The following CLRN3 variants were observed in gnomAD, a reference collection of about 807,000 sequenced individuals.
CLRN3 encodes clarin 3.
Under a neutral mutation model 16.7 loss-of-function variants are expected in CLRN3, and 12 were observed. The ratio of observed to expected loss-of-function variants is 0.72; its 90% CI spans 0.46 to 1.16. The LOEUF (loss-of-function observed/expected upper bound fraction) is 1.16, where lower values mean the gene tolerates loss of function less well. Among genes scored for constraint, CLRN3 ranks in the 50% most tolerant of loss-of-function variants. CLRN3 has a pLI of 0.00. For missense variants in CLRN3, 296 were observed against 274.2 expected, an observed-to-expected ratio of 1.08 and a Z score of -0.56; for synonymous variants, 118 against 113.0, an observed-to-expected ratio of 1.04 and a Z score of -0.28.
intron 1 of CLRN3, among the ~76,000 whole-genome samples, chr10:127,885,022 G>A (rs112126197): frequency 9.9e-5 from 15 of 152,230 alleles, no homozygotes; most frequent in Non-Finnish European, 2.1e-4. Context: ...CTTTGTTTCC[G>A]TTCTGGTTTC....
At position 127,891,533 on chromosome 10, in the gene CLRN3, G is replaced by A. The variant is rs1056052861; in HGVS notation, c.229+1023C>T. 3.9e-5 allele frequency among the ~76,000 whole-genome samples: 6 copies of A among 152,318 alleles called. No individual in the cohort carries two copies. In the East Asian group the frequency reaches 9.6e-4, roughly 24 times the overall value. ...GAGGAGATGTCCCTGAAAGGCTATG[G>A]CAATGCTAGGGGAGATGCTGCTTTT... On this transcript the variant is annotated intron_variant, in intron 1 of 2. Coordinates refer to ENST00000368671, the MANE Select transcript of CLRN3 (RefSeq NM_152311.5).
intron 2 of CLRN3, among the ~76,000 whole-genome samples, chr10:127,879,911 G>A (rs889694654): frequency 3.3e-5 from 5 of 152,124 alleles, no homozygotes; most frequent in African/African-American, 9.7e-5. Context: ...TCCTGGCCAC[G>A]GAAGCCCTTT....
chr10:127,884,404 GGAAAGTGGAAGCT>G (rs1444482782), intron 1 of CLRN3, among the ~76,000 whole-genome samples: 1 of 152,232 alleles, frequency 6.6e-6, no homozygotes, highest in Non-Finnish European at 1.5e-5. Context: ...AAGGTGACCA[GGAAAGTGGAAGCT>G]GAAGGCTGAC....
intron 2 of CLRN3, among the ~76,000 whole-genome samples, chr10:127,881,865 C>T (rs921372208): frequency 1.3e-5 from 2 of 152,222 alleles, no homozygotes; most frequent in African/African-American, 2.4e-5. Flanking sequence ...CTGAGGATTT[C>T]AATAGATGGA....
rs1235255162 is a variant in CLRN3, at chr10:127,878,127, C to T, written c.*22G>A. The T allele has an allele frequency of 1.2e-6, 2 of 1,606,824 alleles. No individual in the cohort carries two copies. The highest frequency in any genetic ancestry group is 1.7e-6 in the Non-Finnish European group (2 of 1,174,582). On this transcript the variant is annotated 3_prime_UTR_variant, in exon 3 of 3. Transcript: ENST00000368671. ...GGGCTGATGTACAATAGATGCAACG[C>T]CAAAATGAGATGAAAGAGAATTCAG...
At chr10:127,892,180 A>C (rs1416592750) in intron 1 of CLRN3, among the ~76,000 whole-genome samples, 2 of 152,210 alleles carry the variant, frequency 1.3e-5, no homozygotes, top group Non-Finnish European at 1.5e-5. Flanking sequence ...CCACTTGTGA[A>C]GTTCTAGACA....
intron 1 of CLRN3, among the ~76,000 whole-genome samples, chr10:127,888,714 T>C (rs1845225120): frequency 1.3e-5 from 2 of 152,236 alleles, no homozygotes; most frequent in Middle Eastern, 3.4e-3. Context: ...AGCCGGGAGC[T>C]GAGCTTTCCC....
At chr10:127,879,348 G>A (rs1845099157) in intron 2 of CLRN3, among the ~76,000 whole-genome samples, 1 of 152,122 alleles carries the variant, frequency 6.6e-6, no homozygotes, top group African/African-American at 2.4e-5. Context: ...TGATCCACCT[G>A]CCTCGGCCTC....
At chr10:127,885,655 C>T (rs1376003144) in intron 1 of CLRN3, among the ~76,000 whole-genome samples, 1 of 152,190 alleles carries the variant, frequency 6.6e-6, no homozygotes, top group Non-Finnish European at 1.5e-5. Context: ...TCACTCACTG[C>T]AGTCTTGATC....
intron 1 of CLRN3, among the ~76,000 whole-genome samples, chr10:127,892,226 A>G (rs115076486): frequency 0.02 from 3,006 of 152,350 alleles, 114 homozygotes; most frequent in African/African-American, 0.069. Context: ...CAGTCAATAC[A>G]GTTAAAACAT....
At chr10:127,886,030 C>T (rs750091927) in intron 1 of CLRN3, among the ~76,000 whole-genome samples, 1 of 152,152 alleles carries the variant, frequency 6.6e-6, no homozygotes, top group Non-Finnish European at 1.5e-5. Context: ...GCTGGGATTA[C>T]AGGCATAAGC....
chr10:127,886,694 G>C (rs1324951200), intron 1 of CLRN3, among the ~76,000 whole-genome samples: 3 of 152,186 alleles, frequency 2.0e-5, no homozygotes, highest in Non-Finnish European at 4.4e-5. Context: ...GAGAAGACTG[G>C]GCAAGCCTCA....
intron 1 of CLRN3, among the ~76,000 whole-genome samples, chr10:127,884,746 A>T (rs1845173820): frequency 6.6e-6 from 1 of 152,172 alleles, no homozygotes; most frequent in African/African-American, 2.4e-5. Context: ...GACTGCCACC[A>T]GCCATCTCCT....
At chr10:127,881,689 G>A (rs1845130075) in intron 2 of CLRN3, among the ~76,000 whole-genome samples, 1 of 152,238 alleles carries the variant, frequency 6.6e-6, no homozygotes, top group African/African-American at 2.4e-5. Context: ...GATGGGAGAA[G>A]GGCAATGCCA....
At chr10:127,889,290 C>A (rs375193113) in intron 1 of CLRN3, among the ~76,000 whole-genome samples, 2 of 152,212 alleles carry the variant, frequency 1.3e-5, no homozygotes, top group East Asian at 3.9e-4. Context: ...CCACTGCACT[C>A]CAGACTGGGC....
In CLRN3 at chr10:127,883,718, C is replaced by T. The variant is rs1373921852; in HGVS notation, c.387G>A (p.Val129=). The change falls in exon 2 of 3, where the codon GTG becomes GTA. Residue 129 remains valine, a synonymous_variant. Transcript: ENST00000368671. The stretch of plus-strand genomic sequence containing the variant: ...CACCACCGAGCCCGTTCCAGGTGTA[C>T]ACCCCCGTCGGCCCCAGGAATGTCT... ...PYQTFLGPTG[V]YTWNGLGASF... The T allele has an allele frequency of 6.2e-7, 1 of 1,613,548 alleles. No homozygotes were observed. Among genetic ancestry groups the T allele is most frequent in the Admixed American group, 1.7e-5 (1 of 60,020 alleles).
intron 2 of CLRN3, among the ~76,000 whole-genome samples, chr10:127,882,258 A>G (rs950297154): frequency 4.6e-5 from 7 of 152,232 alleles, no homozygotes; most frequent in African/African-American, 1.7e-4. Context: ...AAATAATAAA[A>G]GCACAGAAAG....
At chr10:127,880,400 T>C (rs1251675790) in intron 2 of CLRN3, among the ~76,000 whole-genome samples, 3 of 112,538 alleles carry the variant, frequency 2.7e-5, no homozygotes, top group African/African-American at 3.3e-5. Flanking sequence ...ACAGAAGGAT[T>C]TATAGGGGCT....
chr10:127,880,651 G>A (rs1313908020), intron 2 of CLRN3, among the ~76,000 whole-genome samples: 1 of 152,202 alleles, frequency 6.6e-6, no homozygotes, highest in Non-Finnish European at 1.5e-5. Flanking sequence ...TCAGTGTGGT[G>A]TAGAAGGTAG....
Sources: allele counts gnomAD v4.1 joint callset (sites outside exome capture counted in the v4.1 genomes callset), GRCh38; gene constraint gnomAD v4.1.1; transcripts MANE v1.5; gene names NCBI Gene and HGNC (gene_info 2026-07-23, HGNC 2026-07-21).